UPB1: variants seen among roughly 807,000 people sequenced by gnomAD.
The protein encoded by UPB1 is beta-ureidopropionase.
In UPB1, 40 loss-of-function variants were observed where a neutral mutation model predicts 49.1. The observed-to-expected ratio is 0.81, with a 90% CI of 0.63 to 1.06. The LOEUF (loss-of-function observed/expected upper bound fraction) is 1.06. UPB1 is among the 50% of genes least tolerant of loss of function. The pLI, the probability that UPB1 is intolerant of heterozygous loss-of-function variation, is 0.00. For synonymous variants in UPB1, 207 were observed against 198.2 expected, an observed-to-expected ratio of 1.04 and a Z score of -0.38; for missense variants, 499 against 505.9, an observed-to-expected ratio of 0.99 and a Z score of 0.13.
chr22:24,513,870 A>C (rs2044248644), intron 5 of UPB1, among the ~76,000 whole-genome samples: 1 of 152,200 alleles, frequency 6.6e-6, no homozygotes, highest in Non-Finnish European at 1.5e-5. Flanking sequence ...CTAGCACGCC[A>C]CAGCCCTGTC....
intron 2 of UPB1, 147 bp from the exon 3 acceptor site, chr22:24,501,979 A>G: frequency 1.3e-6 from 1 of 773,148 alleles, no homozygotes; most frequent in Non-Finnish European, 2.3e-6. Context: ...TTTGGACATC[A>G]GGAGATAACC....
chr22:24,520,509 G>A (rs761839623), intron 7 of UPB1, 41 bp downstream of exon 7: 1 of 1,603,914 alleles, frequency 6.2e-7, no homozygotes, highest in Non-Finnish European at 8.5e-7. Context: ...GCCACCACCT[G>A]GTGGCTCTGG....
chr22:24,499,111 G>A (rs930810213), intron 1 of UPB1, among the ~76,000 whole-genome samples: 6 of 152,156 alleles, frequency 3.9e-5, no homozygotes, highest in African/African-American at 7.2e-5. Flanking sequence ...TGTCAGGGGC[G>A]GAACCGAACT....
intron 6 of UPB1, among the ~76,000 whole-genome samples, chr22:24,518,734 C>G (rs1280900918): frequency 2.6e-5 from 4 of 152,106 alleles, no homozygotes; most frequent in Non-Finnish European, 5.9e-5. Context: ...ATTAGGTTAT[C>G]CTCATAATCC....
chr22:24,507,809 T>A (rs1415236293), intron 3 of UPB1, among the ~76,000 whole-genome samples: 3 of 152,048 alleles, frequency 2.0e-5, no homozygotes, highest in Non-Finnish European at 4.4e-5. Context: ...AACTCATACA[T>A]GTTCAGGACA....
Position 24,502,158 on chromosome 22 carries a change from C to A in UPB1, c.309C>A (p.Ile103=), listed in dbSNP as rs778793828. The A allele has an allele frequency of 6.2e-7, 1 of 1,614,152 alleles. No individual in the cohort carries two copies. The highest frequency in any genetic ancestry group is 1.1e-5 in the South Asian group (1 of 91,082). ...VSALHRRIKA[I]VEVAAMCGVN... ...CCCTTCATAGACGCATAAAGGCTAT[C>A]GTAGAGGTGGCTGCAATGTGTGGAG... The change falls in exon 3 of 10, where the codon ATC becomes ATA. Residue 103 remains isoleucine (I), a synonymous_variant. Coordinates refer to ENST00000326010, the MANE Select transcript of UPB1 (RefSeq NM_016327.3).
At position 24,504,958 on chromosome 22, in the gene UPB1, C is replaced by T. The variant is rs1601487065; in HGVS notation, c.364+2745C>T. The stretch of plus-strand genomic sequence containing the variant: ...TGAGATCTGTGTTGCCCAGGCAGGT[C>T]TCAAATTCCTGGGCCCAAGCAATTC... On this transcript the variant is annotated intron_variant, in intron 3 of 9. Transcript: ENST00000326010. Among the ~76,000 whole-genome samples the T allele has an allele frequency of 2.4e-5, 3 of 127,620 alleles. No homozygotes were observed. In the Admixed American group the frequency reaches 2.7e-4, roughly 12 times the overall value. 83.7% of individuals were successfully genotyped at this position (127,620 alleles called of 152,430 possible). A position where few individuals can be genotyped will look rare whatever the true frequency, so the allele number is the denominator to read the frequency against.
chr22:24,511,311 A>C (rs763214780), intron 4 of UPB1, among the ~76,000 whole-genome samples: 14 of 152,192 alleles, frequency 9.2e-5, no homozygotes, highest in Non-Finnish European at 2.1e-4. Context: ...GATCCCATTT[A>C]TATAAACTGT....
chr22:24,523,809 C>T, intron 9 of UPB1, 36 bp downstream of exon 9: 1 of 1,613,644 alleles, frequency 6.2e-7, no homozygotes. Context: ...GCCTGCTCCT[C>T]TGCTTTGGCC....
At chr22:24,522,097 C>T (rs924150585) in intron 8 of UPB1, 69 bp downstream of exon 8, 2 of 1,570,686 alleles carry the variant, frequency 1.3e-6, no homozygotes, top group Admixed American at 1.7e-5. Context: ...CTGTCTGCTT[C>T]CTCCAGTCAG....
intron 1 of UPB1, among the ~76,000 whole-genome samples, chr22:24,496,702 C>T (rs2043895062): frequency 6.6e-6 from 1 of 152,030 alleles, no homozygotes; most frequent in African/African-American, 2.4e-5. Flanking sequence ...GAAGGAGGAG[C>T]AGGTACAAAA....
intron 3 of UPB1, among the ~76,000 whole-genome samples, chr22:24,505,648 G>A (rs1211665716): frequency 6.6e-6 from 1 of 152,204 alleles, no homozygotes; most frequent in Non-Finnish European, 1.5e-5. Context: ...GGGGTAGATG[G>A]GGCAGGTCCC....
At chr22:24,520,337 A>G in intron 6 of UPB1, 50 bp from the exon 7 acceptor site, 1 of 1,601,302 alleles carries the variant, frequency 6.2e-7, no homozygotes, top group Non-Finnish European at 8.5e-7. Context: ...GCATCCACTG[A>G]GTCTGCCTGG....
rs758120423 is a variant in UPB1, at chr22:24,495,365, C to T, written c.-39C>T. The T allele has an allele frequency of 1.6e-5, 25 of 1,605,784 alleles. No individual in the cohort carries two copies. The highest frequency in any genetic ancestry group is 1.8e-5 in the Non-Finnish European group (21 of 1,176,260). On this transcript the variant is annotated 5_prime_UTR_variant, in exon 1 of 10. Coordinates refer to ENST00000326010, the MANE Select transcript of UPB1 (RefSeq NM_016327.3). ...CCTCCCACTGCGGGCAAAGGGCAGG[C>T]AGTTCGTGCGCGGACACAAGCACTG...
chr22:24,496,869 G>C (rs1483136696), intron 1 of UPB1, among the ~76,000 whole-genome samples: 1 of 152,184 alleles, frequency 6.6e-6, no homozygotes, highest in Non-Finnish European at 1.5e-5. Flanking sequence ...CAGGAAGTCT[G>C]CTGGATTTAG....
chr22:24,506,074 G>A (rs1306544215), intron 3 of UPB1, among the ~76,000 whole-genome samples: 4 of 141,690 alleles, frequency 2.8e-5, no homozygotes, highest in Non-Finnish European at 6.0e-5. Flanking sequence ...AGGCTGGCAT[G>A]CAGTGGCGCA....
Position 24,500,285 on chromosome 22 carries a change from A to G in UPB1, c.276+7A>G. 3.1e-6 allele frequency: 5 copies of G among 1,613,708 alleles called. No individual in the cohort carries two copies. The highest frequency in any genetic ancestry group is 4.2e-6 in the Non-Finnish European group (5 of 1,179,984). On this transcript the variant is annotated splice_region_variant and intron_variant, in intron 2 of 9. Coordinates refer to ENST00000326010, the MANE Select transcript of UPB1 (RefSeq NM_016327.3). ...TGCCCCTGTGGCAGAACAGGTGCAG[A>G]CTCTTTTGACCATAATAAATACACA...
intron 1 of UPB1, among the ~76,000 whole-genome samples, chr22:24,496,606 C>G (rs982527586): frequency 6.6e-6 from 1 of 152,144 alleles, no homozygotes; most frequent in Non-Finnish European, 1.5e-5. Flanking sequence ...GTGGAAATAA[C>G]TCAGGGGCTA....
chr22:24,500,067 G>A (rs771812557), intron 1 of UPB1, 40 bp from the exon 2 acceptor site: 7 of 1,613,062 alleles, frequency 4.3e-6, no homozygotes, highest in Non-Finnish European at 5.1e-6. Context: ...GGAGCAGACT[G>A]CATCAAAATC....
Sources: allele counts gnomAD v4.1 joint callset (sites outside exome capture counted in the v4.1 genomes callset), GRCh38; gene constraint gnomAD v4.1.1; transcripts MANE v1.5; gene names NCBI Gene and HGNC (gene_info 2026-07-23, HGNC 2026-07-21).